The following TTC29 variants were observed in gnomAD, a reference collection of about 807,000 sequenced individuals.
The protein encoded by TTC29 is tetratricopeptide repeat protein 29.
In TTC29, 49 loss-of-function variants were observed where a neutral mutation model predicts 58.1. The ratio of observed to expected loss-of-function variants is 0.84; its 90% CI spans 0.67 to 1.07. The LOEUF (loss-of-function observed/expected upper bound fraction) is 1.07, where lower values mean the gene tolerates loss of function less well. Ranked by LOEUF, TTC29 falls within the 50% of genes least tolerant of loss-of-function variation. The pLI is 0.00. For synonymous variants in TTC29, 209 were observed against 196.8 expected, an observed-to-expected ratio of 1.06 and a Z score of -0.52; for missense variants, 582 against 555.6, an observed-to-expected ratio of 1.05 and a Z score of -0.48.
chr4:146,815,575 C>T (rs1751343502), intron 10 of TTC29, among the ~76,000 whole-genome samples: 1 of 151,978 alleles, frequency 6.6e-6, no homozygotes, highest in Admixed American at 6.6e-5. Context: ...ATTTAAAAGC[C>T]ATGGGCCTGG....
intron 11 of TTC29, among the ~76,000 whole-genome samples, chr4:146,734,139 T>G (rs1469048425): frequency 6.6e-6 from 1 of 152,198 alleles, no homozygotes; most frequent in Non-Finnish European, 1.5e-5. Flanking sequence ...TTATTTTATT[T>G]CTATAATATG....
chr4:146,941,477 T>C (rs758097196), intron 2 of TTC29, among the ~76,000 whole-genome samples: 1 of 151,642 alleles, frequency 6.6e-6, no homozygotes, highest in Non-Finnish European at 1.5e-5. Context: ...AGTATGGGGG[T>C]AAATAGGGAG....
chr4:146,843,286 G>A (rs1728965744), intron 8 of TTC29, among the ~76,000 whole-genome samples: 1 of 152,192 alleles, frequency 6.6e-6, no homozygotes, highest in African/African-American at 2.4e-5. Flanking sequence ...AGTGGACACT[G>A]AGGACAATTA....
chr4:146,732,840 T>G (rs191910339), intron 11 of TTC29, among the ~76,000 whole-genome samples: 2 of 152,228 alleles, frequency 1.3e-5, no homozygotes, highest in Admixed American at 1.3e-4. Context: ...ACCTGAGATT[T>G]ATTGGTAGGA....
chr4:146,839,150 G>A (rs183306230), intron 8 of TTC29, among the ~76,000 whole-genome samples: 60 of 151,972 alleles, frequency 3.9e-4, no homozygotes, highest in Non-Finnish European at 2.7e-4. Context: ...CATAATGATC[G>A]CATAATATCA....
chr4:146,830,202 A>T (rs1728067480), intron 9 of TTC29, among the ~76,000 whole-genome samples: 1 of 152,200 alleles, frequency 6.6e-6, no homozygotes, highest in Admixed American at 6.5e-5. Flanking sequence ...ATTTTCTGCT[A>T]TGCTGCTTAA....
At chr4:146,806,394 A>C (rs1349321116) in intron 10 of TTC29, among the ~76,000 whole-genome samples, 2 of 152,220 alleles carry the variant, frequency 1.3e-5, no homozygotes, top group African/African-American at 4.8e-5. Flanking sequence ...ATTAACCTTA[A>C]ATGTAAATGG....
chr4:146,874,187 T>A (rs1731108646), intron 7 of TTC29, among the ~76,000 whole-genome samples: 1 of 152,132 alleles, frequency 6.6e-6, no homozygotes, highest in Non-Finnish European at 1.5e-5. Context: ...TAGGTCTGGG[T>A]TGGGACCTGA....
At chr4:146,940,212 G>C (rs73855093) in intron 2 of TTC29, among the ~76,000 whole-genome samples, 11,368 of 152,140 alleles carry the variant, frequency 0.075, 1,440 homozygotes, top group African/African-American at 0.26. Context: ...GTTTTGTAAG[G>C]GACATGATTG....
chr4:146,868,998 G>C (rs1730749484), intron 7 of TTC29, among the ~76,000 whole-genome samples: 1 of 150,624 alleles, frequency 6.6e-6, no homozygotes, highest in South Asian at 2.1e-4. Context: ...TGACATGCCT[G>C]CTCCCCTTCG....
intron 6 of TTC29, among the ~76,000 whole-genome samples, chr4:146,883,828 C>T (rs549364485): frequency 1.3e-5 from 2 of 151,794 alleles, no homozygotes; most frequent in East Asian, 3.9e-4. Context: ...AAAATACAAG[C>T]AGCAATGTCA....
chr4:146,883,699 T>C (rs780790111), intron 6 of TTC29, among the ~76,000 whole-genome samples: 2 of 152,034 alleles, frequency 1.3e-5, no homozygotes, highest in African/African-American at 4.8e-5. Context: ...ATTCAAGATC[T>C]CCTTGCAAAG....
At chr4:146,712,065 A>G (rs942114284) in intron 11 of TTC29, among the ~76,000 whole-genome samples, 2 of 152,086 alleles carry the variant, frequency 1.3e-5, no homozygotes, top group Non-Finnish European at 2.9e-5. Context: ...TTTATTCTTA[A>G]TATGATGGTT....
At chr4:146,850,573 T>C (rs193216195) in intron 8 of TTC29, among the ~76,000 whole-genome samples, 35 of 152,264 alleles carry the variant, frequency 2.3e-4, no homozygotes, top group African/African-American at 8.2e-4. Flanking sequence ...GGCCAAGAGC[T>C]TGGTGACAAA....
Position 146,945,699 on chromosome 4 carries a change from C to G in TTC29, c.-54+10G>C, listed in dbSNP as rs534085322. On this transcript the variant is annotated intron_variant, in intron 1 of 12. Transcript: ENST00000325106. ...AGTCCGGTCCCAACCTCGCCCCTGC[C>G]GTCACGAACCTCGGTGCACTGGCCC... 1 of 152,430 alleles carries G rather than the reference C, an allele frequency of 6.6e-6. No homozygotes were observed. The highest frequency in any genetic ancestry group is 1.9e-4 in the East Asian group (1 of 5,204). 9.4% of individuals were successfully genotyped at this position (152,430 alleles called of 1,614,324 possible).
chr4:146,720,700 G>A (rs1236963333), intron 11 of TTC29, among the ~76,000 whole-genome samples: 1 of 151,956 alleles, frequency 6.6e-6, no homozygotes, highest in Non-Finnish European at 1.5e-5. Context: ...GAACTCAATA[G>A]CAAACCAAGT....
intron 11 of TTC29, among the ~76,000 whole-genome samples, chr4:146,728,759 G>GTGTATATATA: frequency 8.9e-6 from 1 of 112,594 alleles, no homozygotes; most frequent in African/African-American, 3.6e-5. Flanking sequence ...GAGGATATAT[G>GTGTATATATA]TACATATATA....
At chr4:146,903,263 G>A (rs1002582831) in intron 6 of TTC29, among the ~76,000 whole-genome samples, 3 of 151,950 alleles carry the variant, frequency 2.0e-5, no homozygotes, top group African/African-American at 4.8e-5. Context: ...TGTGTAGAGG[G>A]GTTGGGGAGA....
intron 11 of TTC29, among the ~76,000 whole-genome samples, chr4:146,736,273 G>A (rs1208327163): frequency 6.6e-6 from 1 of 151,998 alleles, no homozygotes; most frequent in African/African-American, 2.4e-5. Flanking sequence ...CTCGGTGAGA[G>A]TGGAGAAGAG....
Sources: gnomAD v4.1 joint callset for allele counts (sites outside exome capture counted in the v4.1 genomes callset) on GRCh38, gnomAD v4.1.1 for gene constraint, MANE v1.5 for transcripts, NCBI Gene and HGNC (gene_info 2026-07-23, HGNC 2026-07-21) for gene names.